Variants in DLG2 observed in about 807,000 individuals in gnomAD.
The protein encoded by DLG2 is disks large homolog 2.
Under a neutral mutation model 132.5 loss-of-function variants are expected in DLG2, and 45 were observed. The observed-to-expected ratio is 0.34, with a 90% CI of 0.27 to 0.44. The LOEUF is 0.44. Among genes scored for constraint, DLG2 ranks in the 20% least tolerant of loss-of-function variants. The pLI, the probability that DLG2 is intolerant of heterozygous loss-of-function variation, is 1.00. For synonymous variants in DLG2, 424 were observed against 419.6 expected (o/e 1.01, Z -0.13); for missense variants, 1,045 against 1,196.9 (o/e 0.87, Z 1.87).
chr11:85,390,030 T>C (rs553211513), intron 3 of DLG2, among the ~76,000 whole-genome samples: 1 of 152,248 alleles, frequency 6.6e-6, no homozygotes, highest in South Asian at 2.1e-4. Context: ...TGAATGTAAA[T>C]GGCCTAAATG....
intron 3 of DLG2, chr11:85,336,011 T>C (rs1003005524): frequency 2.6e-5 from 4 of 152,184 alleles, no homozygotes; most frequent in Non-Finnish European, 5.9e-5. Flanking sequence ...CAATCTTTTC[T>C]CCCTTGTAAG....
intron 3 of DLG2, among the ~76,000 whole-genome samples, chr11:85,592,652 T>G (rs1222073000): frequency 1.3e-5 from 2 of 152,194 alleles, no homozygotes; most frequent in Non-Finnish European, 2.9e-5. Flanking sequence ...TTAAATGTTT[T>G]AGATATTCTA....
At chr11:84,263,269 G>T (rs1177903668) in intron 7 of DLG2, among the ~76,000 whole-genome samples, 1 of 152,130 alleles carries the variant, frequency 6.6e-6, no homozygotes, top group African/African-American at 2.4e-5. Flanking sequence ...TCTGGGAAAT[G>T]ATCTCTGTTT....
At chr11:83,899,994 G>T (rs1325502466) in intron 15 of DLG2, among the ~76,000 whole-genome samples, 1 of 152,172 alleles carries the variant, frequency 6.6e-6, no homozygotes, top group Non-Finnish European at 1.5e-5. Context: ...CCAGGCTGAG[G>T]TGGTCTCAGA....
At chr11:84,423,371 T>A (rs1162577635) in intron 7 of DLG2, among the ~76,000 whole-genome samples, 2 of 152,198 alleles carry the variant, frequency 1.3e-5, no homozygotes, top group African/African-American at 4.8e-5. Flanking sequence ...TAAATTCAAC[T>A]GTGTCCATGT....
At chr11:84,365,399 CTCT>C (rs1208132166) in intron 7 of DLG2, among the ~76,000 whole-genome samples, 1 of 151,718 alleles carries the variant, frequency 6.6e-6, no homozygotes, top group Non-Finnish European at 1.5e-5. Flanking sequence ...TGATTCTTCT[CTCT>C]TTTTTTTTAA....
chr11:83,971,401 C>A (rs2091308272), intron 12 of DLG2, among the ~76,000 whole-genome samples: 6 of 152,066 alleles, frequency 3.9e-5, no homozygotes, highest in Admixed American at 3.9e-4. Context: ...GGCAAACCAG[C>A]TGAAGAAAGA....
At chr11:84,980,018 T>C (rs2055508947) in intron 6 of DLG2, among the ~76,000 whole-genome samples, 1 of 152,208 alleles carries the variant, frequency 6.6e-6, no homozygotes, top group Non-Finnish European at 1.5e-5. Flanking sequence ...TATAAGGTTT[T>C]CAAGGGTTTC....
intron 3 of DLG2, among the ~76,000 whole-genome samples, chr11:85,419,621 A>T (rs2090138639): frequency 6.6e-6 from 1 of 151,924 alleles, no homozygotes; most frequent in African/African-American, 2.4e-5. Flanking sequence ...TGAAGGCTTT[A>T]TTCATTCCTT....
At chr11:85,260,664 A>G (rs1445690588) in intron 4 of DLG2, among the ~76,000 whole-genome samples, 1 of 152,212 alleles carries the variant, frequency 6.6e-6, no homozygotes, top group Non-Finnish European at 1.5e-5. Flanking sequence ...TTCAAAACCC[A>G]TACTTCTATG....
At chr11:85,391,103 A>C (rs1275918707) in intron 3 of DLG2, among the ~76,000 whole-genome samples, 1 of 152,114 alleles carries the variant, frequency 6.6e-6, no homozygotes, top group African/African-American at 2.4e-5. Flanking sequence ...AAAACAGGAG[A>C]TATTGCAACG....
chr11:85,605,083 G>A (rs1310827298), intron 2 of DLG2, among the ~76,000 whole-genome samples: 2 of 152,118 alleles, frequency 1.3e-5, no homozygotes, highest in Admixed American at 6.5e-5. Context: ...TTAGAATAGT[G>A]AAATTATTTT....
At chr11:85,338,618 G>C (rs1278809696) in intron 3 of DLG2, among the ~76,000 whole-genome samples, 4 of 151,352 alleles carry the variant, frequency 2.6e-5, no homozygotes, top group Non-Finnish European at 5.9e-5. Context: ...GATATACTCA[G>C]ATAAGTATAT....
intron 6 of DLG2, among the ~76,000 whole-genome samples, chr11:85,062,715 A>G (rs983895044): frequency 2.0e-5 from 3 of 151,770 alleles, no homozygotes; most frequent in African/African-American, 4.8e-5. Context: ...ATATGTCACT[A>G]AACTTCAGTT....
intron 18 of DLG2, among the ~76,000 whole-genome samples, chr11:83,768,858 G>C (rs1413216815): frequency 6.6e-6 from 1 of 152,166 alleles, no homozygotes; most frequent in East Asian, 1.9e-4. Context: ...CTGGCTGTTG[G>C]CCCCCTCTTG....
At chr11:85,439,761 A>G (rs1361214840) in intron 3 of DLG2, among the ~76,000 whole-genome samples, 1 of 152,222 alleles carries the variant, frequency 6.6e-6, no homozygotes, top group Non-Finnish European at 1.5e-5. Context: ...AAGTAGTAAC[A>G]GAGTATAGAG....
intron 6 of DLG2, among the ~76,000 whole-genome samples, chr11:84,993,547 A>C (rs2057343409): frequency 6.6e-6 from 1 of 152,172 alleles, no homozygotes; most frequent in Non-Finnish European, 1.5e-5. Context: ...CTGTTTACTT[A>C]TATGGGCTTA....
intron 21 of DLG2, among the ~76,000 whole-genome samples, chr11:83,527,039 T>C (rs1464353864): frequency 6.6e-6 from 1 of 152,200 alleles, no homozygotes; most frequent in Non-Finnish European, 1.5e-5. Flanking sequence ...GTTTATTAAA[T>C]AAATGAATGA....
intron 18 of DLG2, among the ~76,000 whole-genome samples, chr11:83,675,007 C>T (rs965306427): frequency 1.3e-5 from 2 of 152,200 alleles, no homozygotes; most frequent in African/African-American, 2.4e-5. Flanking sequence ...TGTATGATCA[C>T]GCTTGTGATA....
Sources: allele counts gnomAD v4.1 joint callset (sites outside exome capture counted in the v4.1 genomes callset), GRCh38; gene constraint gnomAD v4.1.1; transcripts MANE v1.5; gene names NCBI Gene and HGNC (gene_info 2026-07-23, HGNC 2026-07-21).